Variants in LRMDA observed in about 807,000 individuals in gnomAD.
LRMDA encodes the protein leucine rich melanocyte differentiation associated.
In LRMDA, 18 loss-of-function variants were observed where a neutral mutation model predicts 29.8. The observed-to-expected ratio is 0.60, with a 90% CI of 0.42 to 0.90. The LOEUF is 0.90. Among genes scored for constraint, LRMDA ranks in the 40% least tolerant of loss-of-function variants. The pLI is 0.00. For missense variants in LRMDA, 273 were observed against 273.9 expected (o/e 1.00, Z 0.02); for synonymous variants, 125 against 109.4 (o/e 1.14, Z -0.89).
chr10:76,201,649 C>G (rs1851433553), intron 5 of LRMDA, among the ~76,000 whole-genome samples: 1 of 152,162 alleles, frequency 6.6e-6, no homozygotes, highest in African/African-American at 2.4e-5. Flanking sequence ...ATACATTTTT[C>G]ATGATTTGCT....
At chr10:75,997,574 G>A (rs1267571199) in intron 2 of LRMDA, among the ~76,000 whole-genome samples, 2 of 151,758 alleles carry the variant, frequency 1.3e-5, no homozygotes, top group Non-Finnish European at 2.9e-5. Context: ...GGACTATTAT[G>A]TAAAGTGATA....
At chr10:76,307,126 A>G (rs1483756953) in intron 5 of LRMDA, among the ~76,000 whole-genome samples, 2 of 151,974 alleles carry the variant, frequency 1.3e-5, no homozygotes, top group African/African-American at 4.8e-5. Context: ...ACCCTTGCCC[A>G]CCCCTCATGT....
chr10:76,014,143 T>TATATATATATAATTATATATATATATAA lies in LRMDA; in HGVS notation c.132-21864_132-21863insTATATATATAATTATATATATATATAAA, dbSNP rs1564630519. Among the ~76,000 whole-genome samples the TATATATATATAATTATATATATATATAA allele has an allele frequency of 5.1e-4, 19 of 37,164 alleles. No homozygotes were observed. In the South Asian group the frequency reaches 0.015, roughly 29 times the overall value. The allele number at this position is 37,164 out of a possible 152,430, so 24.4% of individuals were successfully genotyped here. ...ATATATAATTATATATATATATATATAATTATATATATATATAATTATATA... is the reference window on the plus strand; with the variant it reads ...ATATATAATTATATATATATATATATATATATATATAATTATATATATATATAAAATTATATATATATATAATTATATA... On this transcript the variant is annotated intron_variant, in intron 2 of 6. Transcript: ENST00000611255.
At chr10:75,446,105 C>T (rs7078642) in intron 2 of LRMDA, among the ~76,000 whole-genome samples, 1,839 of 152,316 alleles carry the variant, frequency 0.012, 36 homozygotes, top group African/African-American at 0.041. Context: ...GACAGACACA[C>T]CATACTTTCT....
intron 2 of LRMDA, among the ~76,000 whole-genome samples, chr10:75,868,477 T>C (rs1359477782): frequency 6.6e-6 from 1 of 152,190 alleles, no homozygotes; most frequent in African/African-American, 2.4e-5. Flanking sequence ...ATTATATGAA[T>C]GTAAGGCTTT....
intron 5 of LRMDA, among the ~76,000 whole-genome samples, chr10:76,078,371 C>T (rs1848995290): frequency 6.6e-6 from 1 of 152,020 alleles, no homozygotes; most frequent in African/African-American, 2.4e-5. Context: ...ACAGACGTTC[C>T]ATAATGGAAG....
rs530054848 is a variant in LRMDA, at chr10:76,245,006, G to A, written c.517-79395G>A. Among the ~76,000 whole-genome samples, 21 of 152,278 alleles carry A rather than the reference G, an allele frequency of 1.4e-4. No individual in the cohort carries two copies. In the South Asian group the frequency reaches 2.5e-3, roughly 18 times the overall value. On this transcript the variant is annotated intron_variant, in intron 5 of 6. Coordinates refer to ENST00000611255, the MANE Select transcript of LRMDA (RefSeq NM_001305581.2). ...TCTGAGGCTTCAACTTCACAGTGAG[G>A]TTGTTGGAGCCGTACATCTCAGTAC... is the stretch of plus-strand genomic sequence containing the variant.
At chr10:76,220,824 A>G (rs1382237720) in intron 5 of LRMDA, among the ~76,000 whole-genome samples, 1 of 152,212 alleles carries the variant, frequency 6.6e-6, no homozygotes, top group Non-Finnish European at 1.5e-5. Flanking sequence ...ACCAAAAAAG[A>G]GAACTTTAGA....
At chr10:76,332,582 A>G (rs1387101331) in intron 6 of LRMDA, among the ~76,000 whole-genome samples, 2 of 152,220 alleles carry the variant, frequency 1.3e-5, no homozygotes, top group African/African-American at 4.8e-5. Context: ...TTCCCCCAAC[A>G]GACAGTCCCA....
chr10:75,791,174 T>G (rs1461942960), intron 2 of LRMDA, among the ~76,000 whole-genome samples: 1 of 152,140 alleles, frequency 6.6e-6, no homozygotes. Context: ...GTAGTAAAAA[T>G]CATACCGTCC....
At chr10:76,305,276 C>T (rs1840539691) in intron 5 of LRMDA, among the ~76,000 whole-genome samples, 2 of 128,120 alleles carry the variant, frequency 1.6e-5, no homozygotes, top group Non-Finnish European at 3.7e-5. Flanking sequence ...TTTCTTGGGC[C>T]CTTTCTATCT....
intron 5 of LRMDA, among the ~76,000 whole-genome samples, chr10:76,203,768 T>C (rs1446485499): frequency 5.8e-5 from 8 of 137,198 alleles, no homozygotes; most frequent in Middle Eastern, 5.7e-3. Flanking sequence ...TGTGCCCATC[T>C]ACCCATCTCT....
chr10:76,252,230 G>C (rs1852499298), intron 5 of LRMDA, among the ~76,000 whole-genome samples: 1 of 152,206 alleles, frequency 6.6e-6, no homozygotes, highest in African/African-American at 2.4e-5. Flanking sequence ...CAGGGCCTGA[G>C]ACTGGCCTGG....
At chr10:75,905,803 G>A (rs1480917366) in intron 2 of LRMDA, among the ~76,000 whole-genome samples, 2 of 152,086 alleles carry the variant, frequency 1.3e-5, no homozygotes, top group African/African-American at 2.4e-5. Flanking sequence ...TGTTGCCATC[G>A]TCATGCCTTC....
intron 2 of LRMDA, among the ~76,000 whole-genome samples, chr10:75,711,261 C>G (rs1842432526): frequency 6.6e-6 from 1 of 152,122 alleles, no homozygotes; most frequent in South Asian, 2.1e-4. Flanking sequence ...CTTTTAAATC[C>G]TGATGCCTTT....
chr10:76,008,954 G>C (rs1847724225), intron 2 of LRMDA, among the ~76,000 whole-genome samples: 1 of 152,140 alleles, frequency 6.6e-6, no homozygotes, highest in African/African-American at 2.4e-5. Context: ...AGAGCCTATG[G>C]CATAGATATA....
intron 2 of LRMDA, among the ~76,000 whole-genome samples, chr10:75,535,952 T>C (rs1331086547): frequency 2.0e-5 from 3 of 152,338 alleles, no homozygotes; most frequent in East Asian, 3.9e-4. Context: ...AGCAAGACTC[T>C]GAATTATTCT....
chr10:75,977,926 C>G (rs1847102610), intron 2 of LRMDA, among the ~76,000 whole-genome samples: 1 of 152,084 alleles, frequency 6.6e-6, no homozygotes, highest in Admixed American at 6.5e-5. Context: ...AGATAATGGT[C>G]ATAATGGTCC....
chr10:76,529,145 A>G (rs187757165), intron 6 of LRMDA, among the ~76,000 whole-genome samples: 1 of 152,244 alleles, frequency 6.6e-6, no homozygotes, highest in Admixed American at 6.5e-5. Context: ...TTGGTGATGA[A>G]TCTCATTTGC....
Sources: gnomAD v4.1 joint callset for allele counts (sites outside exome capture counted in the v4.1 genomes callset) on GRCh38, gnomAD v4.1.1 for gene constraint, MANE v1.5 for transcripts, NCBI Gene and HGNC (gene_info 2026-07-23, HGNC 2026-07-21) for gene names.